USP33: variants seen among roughly 807,000 people sequenced by gnomAD.
The protein encoded by USP33 is ubiquitin specific peptidase 33, also known as ubiquitin carboxyl-terminal hydrolase 33.
A neutral mutation model predicts 124.2 loss-of-function variants in USP33; 46 were observed. The ratio of observed to expected loss-of-function variants is 0.37; its 90% CI spans 0.29 to 0.47. The LOEUF (loss-of-function observed/expected upper bound fraction) is 0.47, where lower values mean the gene tolerates loss of function less well. Among genes scored for constraint, USP33 ranks in the 20% least tolerant of loss-of-function variants. The pLI, the probability that USP33 is intolerant of heterozygous loss-of-function variation, is 0.99. For synonymous variants in USP33, 350 were observed against 352.3 expected (o/e 0.99, Z 0.07); for missense variants, 851 against 1,070.6 (o/e 0.79, Z 2.86).
chr1:77,739,944 A>T (rs75657796), intron 4 of USP33, among the ~76,000 whole-genome samples: 1 of 152,196 alleles, frequency 6.6e-6, no homozygotes, highest in South Asian at 2.1e-4. Flanking sequence ...TACACAGCAA[A>T]TACCATCTTA....
Position 77,718,478 on chromosome 1 carries a change from T to C in USP33, c.1737+118A>G, listed in dbSNP as rs186982604. On this transcript the variant is annotated intron_variant, in intron 16 of 23. Coordinates refer to ENST00000370794, the MANE Select transcript of USP33 (RefSeq NM_201624.3). Reference sequence around the variant, plus strand: ...AAAACTGAATAATCTTAAAAAGGCATGCATAGCAATCATTCAATTCTTCAA... The same window carrying C: ...AAAACTGAATAATCTTAAAAAGGCACGCATAGCAATCATTCAATTCTTCAA... 11 of 817,336 alleles carry C rather than the reference T, an allele frequency of 1.3e-5. No homozygotes were observed. In the Admixed American group the frequency reaches 2.5e-4, roughly 18 times the overall value. The allele number at this position is 817,336 out of a possible 1,614,324, so 50.6% of individuals were successfully genotyped here.
intron 19 of USP33, chr1:77,713,488 C>A: frequency 4.4e-6 from 2 of 456,622 alleles, no homozygotes; most frequent in East Asian, 9.3e-5. Context: ...GGGCTCAAGG[C>A]ATCCTCCCAC....
intron 1 of USP33, among the ~76,000 whole-genome samples, chr1:77,748,165 C>T (rs2101589274): frequency 6.6e-6 from 1 of 152,046 alleles, no homozygotes; most frequent in South Asian, 2.1e-4. Flanking sequence ...GTTCTTATTT[C>T]AAGGGGAGGA....
At chr1:77,721,734 T>C (rs1676581947) in intron 14 of USP33, 97 bp downstream of exon 14, 1 of 1,152,562 alleles carries the variant, frequency 8.7e-7, no homozygotes, top group Non-Finnish European at 1.2e-6. Flanking sequence ...TTAAGCTGTC[T>C]TAAAACTGAG....
Position 77,739,373 on chromosome 1 carries a change from T to C in USP33, c.243A>G (p.Val81=). Residue 81 remains valine, a synonymous_variant, in exon 5 of 24, where the codon GTA becomes GTG. Transcript: ENST00000370794. ...CTTCTTTGCTGCAAGCATAACACCA[T>C]ACTCGAAGAGTGGTAAGGTTCACAG... ...YLTVNLTTLR[V]WCYACSKEVF... 4 of 1,613,706 alleles carry C rather than the reference T, an allele frequency of 2.5e-6. No individual in the cohort carries two copies. The highest frequency in any genetic ancestry group is 3.4e-6 in the Non-Finnish European group (4 of 1,179,810).
chr1:77,718,417 G>C (rs1676165235), intron 16 of USP33, among the ~76,000 whole-genome samples, 179 bp downstream of exon 16: 2 of 152,160 alleles, frequency 1.3e-5, no homozygotes, highest in Non-Finnish European at 2.9e-5. Flanking sequence ...ACAGCACATT[G>C]TTAAAGGGCA....
rs377347461 is a variant in USP33, at chr1:77,714,836, G to A, written c.2046-53C>T. The A allele has an allele frequency of 2.3e-5, 36 of 1,565,842 alleles. 2 individuals carry two copies. The African/African-American group carries it at 4.4e-4, about 19-fold the overall frequency. ...CAATATGCATTTTACTACATTACTAGTAGATGGATTTTTCTTCTTATTAGA... is the reference window on the plus strand; with the variant it reads ...CAATATGCATTTTACTACATTACTAATAGATGGATTTTTCTTCTTATTAGA... On this transcript the variant is annotated intron_variant, in intron 18 of 23. Coordinates refer to ENST00000370794, the MANE Select transcript of USP33 (RefSeq NM_201624.3).
chr1:77,722,398 C>G (rs1009891617), intron 12 of USP33: 31 of 518,286 alleles, frequency 6.0e-5, no homozygotes, highest in Non-Finnish European at 9.2e-5. Flanking sequence ...CACACTTGCT[C>G]TGTACCAGGT....
In USP33 at chr1:77,728,599, T is replaced by C. The variant is rs754616085; in HGVS notation, c.831A>G (p.Glu277=). The part of the protein sequence containing the change: ...PQTITTEETM[E]EDKSQSDVDF... Reference sequence around the variant, plus strand: ...CTACATCCGACTGGCTCTTGTCTTCTTCCATTGTCTCCTCAGTGGTTATGG... The same window carrying C: ...CTACATCCGACTGGCTCTTGTCTTCCTCCATTGTCTCCTCAGTGGTTATGG... Residue 277 remains glutamate, a synonymous_variant, in exon 10 of 24, where the codon GAA becomes GAG. Coordinates refer to ENST00000370794, the MANE Select transcript of USP33 (RefSeq NM_201624.3). 5.0e-6 allele frequency: 8 copies of C among 1,614,196 alleles called. No homozygotes were observed. Among genetic ancestry groups the C allele is most frequent in the East Asian group, 2.2e-5 (1 of 44,872 alleles).
intron 21 of USP33, among the ~76,000 whole-genome samples, chr1:77,707,601 G>A (rs1036066468): frequency 6.6e-6 from 1 of 152,094 alleles, no homozygotes; most frequent in African/African-American, 2.4e-5. Flanking sequence ...GCACCATTTA[G>A]TATTTCCATA....
Position 77,754,528 on chromosome 1 carries a change from A to G in USP33, c.-52+5115T>C, listed in dbSNP as rs530225279. Among the ~76,000 whole-genome samples, 10 of 152,374 alleles carry G rather than the reference A, an allele frequency of 6.6e-5. No individual in the cohort carries two copies. In the South Asian group the frequency reaches 1.9e-3, roughly 28 times the overall value. On this transcript the variant is annotated intron_variant, in intron 1 of 23. Coordinates refer to ENST00000370794, the MANE Select transcript of USP33 (RefSeq NM_201624.3). ...AGAAATCAGCTGACAAGCATTTTAA[A>G]TAACTGTTTCTTTCCCTTTAAACAA...
At chr1:77,704,038 G>A (rs1014767668) in intron 21 of USP33, among the ~76,000 whole-genome samples, 2 of 151,910 alleles carry the variant, frequency 1.3e-5, no homozygotes, top group South Asian at 2.1e-4. Flanking sequence ...TCTCTTGAGC[G>A]TGGGAGATCG....
chr1:77,747,348 A>G (rs1229234643), intron 1 of USP33, among the ~76,000 whole-genome samples: 1 of 150,498 alleles, frequency 6.6e-6, no homozygotes, highest in Non-Finnish European at 1.5e-5. Flanking sequence ...TCCAACTCAT[A>G]GACCCAAACA....
At chr1:77,734,002 C>A (rs1678139896) in intron 7 of USP33, among the ~76,000 whole-genome samples, 1 of 152,118 alleles carries the variant, frequency 6.6e-6, no homozygotes, top group Admixed American at 6.5e-5. Context: ...AAATCTAACT[C>A]CTTTATTAAA....
chr1:77,728,028 G>A (rs563286322), intron 10 of USP33, among the ~76,000 whole-genome samples: 28 of 152,080 alleles, frequency 1.8e-4, no homozygotes, highest in Admixed American at 4.6e-4. Context: ...AAATTCTGGG[G>A]AGCCCAATTT....
At chr1:77,698,066 TTC>T in intron 22 of USP33, 135 bp from the exon 23 acceptor site, 1 of 630,984 alleles carries the variant, frequency 1.6e-6, no homozygotes, top group Non-Finnish European at 2.6e-6. Flanking sequence ...TTATAGTTAA[TTC>T]TTTTTTTTTT....
At position 77,721,200 on chromosome 1, in the gene USP33, T is replaced by C; in HGVS notation, c.1663A>G (p.Asn555Asp). 1.2e-6 allele frequency: 2 copies of C among 1,613,930 alleles called. No homozygotes were observed. Among genetic ancestry groups the C allele is most frequent in the Non-Finnish European group, 1.7e-6 (2 of 1,179,928 alleles). Residue 555 changes from asparagine (N) to aspartate (D), a missense_variant, in exon 15 of 24, where the codon AAT (asparagine) becomes GAT (aspartate). This residue lies in a region of USP33 where 281 missense variants were observed against 425.0 expected (regional missense o/e 0.66). Transcript: ENST00000370794. ...FFARDELKGD[N>D]MYSCEKCKKL... ...TTGCATTTTTCACAACTGTACATATTGTCACCTGCAAATAAAACAGATCTG... is the reference window on the plus strand; with the variant it reads ...TTGCATTTTTCACAACTGTACATATCGTCACCTGCAAATAAAACAGATCTG...
intron 18 of USP33, among the ~76,000 whole-genome samples, chr1:77,715,501 G>A (rs547333728): frequency 6.6e-6 from 1 of 152,254 alleles, no homozygotes; most frequent in Non-Finnish European, 1.5e-5. Flanking sequence ...CACTGTGCCC[G>A]GCACTAAAAT....
rs544144097 is a variant in USP33, at chr1:77,697,573, T to C, written c.2579-99A>G. The C allele has an allele frequency of 3.0e-5, 42 of 1,377,650 alleles. No individual in the cohort carries two copies. The African/African-American group carries it at 5.3e-4, about 17-fold the overall frequency. 85.3% of individuals were successfully genotyped at this position (1,377,650 alleles called of 1,614,324 possible). On this transcript the variant is annotated intron_variant, in intron 23 of 23. Coordinates refer to ENST00000370794, the MANE Select transcript of USP33 (RefSeq NM_201624.3). ...CCCAGCATGAATCTTCTCGGGATAA[T>C]TGAGAACTTCTGGAACATGAATCTG...
Sources: gnomAD v4.1 joint callset for allele counts (sites outside exome capture counted in the v4.1 genomes callset) on GRCh38, gnomAD v4.1.1 for gene constraint, gnomAD v4.1.1 regional missense constraint, MANE v1.5 for transcripts, NCBI Gene and HGNC (gene_info 2026-07-23, HGNC 2026-07-21) for gene names.